The following MOV10 variants were observed in gnomAD, a reference collection of about 807,000 sequenced individuals.
MOV10 encodes the protein Mov10 RNA helicase.
Under a neutral mutation model 108.4 loss-of-function variants are expected in MOV10, and 39 were observed. The ratio of observed to expected loss-of-function variants is 0.36; its 90% CI spans 0.28 to 0.47. The LOEUF (loss-of-function observed/expected upper bound fraction) is 0.47, where lower values mean the gene tolerates loss of function less well. MOV10 is among the 20% of genes least tolerant of loss of function. MOV10 has a pLI of 1.00. For synonymous variants in MOV10, 490 were observed against 523.1 expected (o/e 0.94, Z 0.86); for missense variants, 952 against 1,297.6 (o/e 0.73, Z 4.09).
At chr1:112,687,067 G>C in intron 2 of MOV10, 1 of 456,368 alleles carries the variant, frequency 2.2e-6, no homozygotes, top group Non-Finnish European at 4.4e-6. Context: ...CAACCGCAGT[G>C]GTTCTGTAAC....
intron 5 of MOV10, among the ~76,000 whole-genome samples, 195 bp downstream of exon 5, chr1:112,690,293 G>A (rs1205024174): frequency 1.3e-5 from 2 of 152,218 alleles, no homozygotes; most frequent in East Asian, 1.9e-4. Flanking sequence ...AGTGAAAACA[G>A]TTTTAGGCAT....
chr1:112,692,784 A>C lies in MOV10; in HGVS notation c.995A>C (p.Lys332Thr), dbSNP rs1339122907. 6.2e-7 allele frequency: 1 copy of C among 1,613,912 alleles called. No individual in the cohort carries two copies. Among genetic ancestry groups the C allele is most frequent in the Non-Finnish European group, 8.5e-7 (1 of 1,180,018 alleles). ...EIKAQLETALKWRNYEVKLRL... is the reference protein window; with the variant it reads ...EIKAQLETALTWRNYEVKLRL... ...AGGGCCCAGCTGGAGACAGCCCTGA[A>C]GTGGAGGAACTATGAGGTGAAGCTG... The change falls in exon 7 of 21, where the codon AAG becomes ACG. Residue 332 changes from lysine to threonine, a missense_variant. By Grantham distance (78) the Lys-to-Thr change is moderately conservative. Around this residue, in one of 5 missense-constraint regions of MOV10, gnomAD observed 374 missense variants for 468.6 expected, o/e 0.80. Transcript: ENST00000369645.
At chr1:112,697,290 T>C (rs1351913774) in intron 14 of MOV10, among the ~76,000 whole-genome samples, 1 of 152,052 alleles carries the variant, frequency 6.6e-6, no homozygotes, top group East Asian at 1.9e-4. Flanking sequence ...TCCAACATGG[T>C]GAAACCCCAT....
Position 112,696,723 on chromosome 1 carries a change from T to A in MOV10, c.2075T>A (p.Leu692Gln), listed in dbSNP as rs780784924. Residue 692 changes from leucine to glutamine, a missense_variant, in exon 14 of 21, where the codon CTG (leucine) becomes CAG (glutamine). Physicochemically the swap from Leu to Gln is moderately radical, Grantham distance 113. Coordinates refer to ENST00000369645, the MANE Select transcript of MOV10 (RefSeq NM_001321324.2). ...CTGGGGCCTGTGCTGCGTTCCCCAC[T>A]GACCCAGAAGCATGGACTGGGATAC... ...RQLGPVLRSP[L>Q]TQKHGLGYSL... is the part of the protein sequence containing the mutation. 6.2e-7 allele frequency: 1 copy of A among 1,607,168 alleles called. No individual in the cohort carries two copies. The highest frequency in any genetic ancestry group is 8.5e-7 in the Non-Finnish European group (1 of 1,176,850).
Position 112,694,233 on chromosome 1 carries a change from G to A in MOV10, c.1295+61G>A, listed in dbSNP as rs966947107. 2.5e-6 allele frequency: 4 copies of A among 1,596,752 alleles called. No individual in the cohort carries two copies. Among genetic ancestry groups the A allele is most frequent in the Admixed American group, 1.7e-5 (1 of 59,622 alleles). Reference sequence around the variant, plus strand: ...TCTACAGACTTCTGACCCCAGGGGAGGAGGAGTGTTTCTCCCTGAGATAAA... The same window carrying A: ...TCTACAGACTTCTGACCCCAGGGGAAGAGGAGTGTTTCTCCCTGAGATAAA... On this transcript the variant is annotated intron_variant, in intron 8 of 20. Coordinates refer to ENST00000369645, the MANE Select transcript of MOV10 (RefSeq NM_001321324.2). The surrounding 1 kb of genome is among the most constrained non-coding windows in gnomAD (Gnocchi z 4.1).
chr1:112,676,558 C>T (rs1398085070), intron 2 of MOV10, among the ~76,000 whole-genome samples: 1 of 152,054 alleles, frequency 6.6e-6, no homozygotes, highest in Admixed American at 6.6e-5. Context: ...GCAAAAACAG[C>T]GGGGGATTTA....
chr1:112,690,998 G>A (rs1235637757), intron 5 of MOV10, among the ~76,000 whole-genome samples: 1 of 152,178 alleles, frequency 6.6e-6, no homozygotes, highest in African/African-American at 2.4e-5. Flanking sequence ...AAGCAAACTA[G>A]CCGGGTGTGG....
intron 2 of MOV10, chr1:112,688,419 C>T: frequency 1.0e-6 from 1 of 997,214 alleles, no homozygotes; most frequent in Non-Finnish European, 1.2e-6. Context: ...GTGGAAACTG[C>T]TGTCTGATCA....
At position 112,694,012 on chromosome 1, in the gene MOV10, C is replaced by T. The variant is rs114651236; in HGVS notation, c.1141-6C>T. On this transcript the variant is annotated splice_region_variant and splice_polypyrimidine_tract_variant and intron_variant, in intron 7 of 20. Transcript: ENST00000369645. This position sits in a 1 kb window ranked among gnomAD's most constrained non-coding sequence, Gnocchi z 4.1. Reference sequence around the variant, plus strand: ...ACAGAAGCTTGCTTGTGTTCACACCCCATAGGTTCCTGGAGTGACTGAGAG... The same window carrying T: ...ACAGAAGCTTGCTTGTGTTCACACCTCATAGGTTCCTGGAGTGACTGAGAG... 2,989 of 1,613,904 alleles carry T rather than the reference C, an allele frequency of 1.9e-3. 43 individuals are homozygous for T. In the African/African-American group the frequency reaches 0.028, roughly 15 times the overall value.
In MOV10 at chr1:112,695,145, T is replaced by C. The variant is rs545223957; in HGVS notation, c.1620+249T>C. On this transcript the variant is annotated intron_variant, in intron 10 of 20. Coordinates refer to ENST00000369645, the MANE Select transcript of MOV10 (RefSeq NM_001321324.2). ...CTATCTCTATGAAAAATATGAAAAA[T>C]AGCTGGGCACTTGAGGCTGCAGTGC... Among the ~76,000 whole-genome samples, 12 of 151,792 alleles carry C rather than the reference T, an allele frequency of 7.9e-5. No individual in the cohort carries two copies. The East Asian group carries it at 1.6e-3, about 20-fold the overall frequency.
At chr1:112,678,040 G>A (rs546528231) in intron 2 of MOV10, among the ~76,000 whole-genome samples, 4 of 152,178 alleles carry the variant, frequency 2.6e-5, no homozygotes, top group African/African-American at 9.7e-5. Flanking sequence ...AGTAGTATAG[G>A]TGCTAGTAAT....
intron 2 of MOV10, among the ~76,000 whole-genome samples, chr1:112,683,545 C>T (rs988765357): frequency 6.6e-6 from 1 of 152,036 alleles, no homozygotes; most frequent in Admixed American, 6.6e-5. Context: ...TGCTATGTTT[C>T]CCAGGATGGT....
rs1674570540 is a variant in MOV10 at position 112,700,663 on chromosome 1, T to A, written c.*156T>A. 1 of 1,534,870 alleles carries A rather than the reference T, an allele frequency of 6.5e-7. No individual in the cohort carries two copies. The highest frequency in any genetic ancestry group is 1.4e-5 in the African/African-American group (1 of 72,386). On this transcript the variant is annotated 3_prime_UTR_variant, in exon 21 of 21. Coordinates refer to ENST00000369645, the MANE Select transcript of MOV10 (RefSeq NM_001321324.2). ...CCACCCCCTCCCCTGCTGGGGAGAA[T>A]GACACATCAAGCTGCTAACAATTGG...
At chr1:112,691,138 G>T (rs1008121502) in intron 5 of MOV10, among the ~76,000 whole-genome samples, 5 of 152,090 alleles carry the variant, frequency 3.3e-5, no homozygotes, top group African/African-American at 4.8e-5. Context: ...AAAATTAGCC[G>T]GGTGTGGTGG....
At chr1:112,698,827 G>GT in intron 17 of MOV10, 38 bp downstream of exon 17, 1 of 1,571,300 alleles carries the variant, frequency 6.4e-7, no homozygotes. Flanking sequence ...TGCCTTCCGT[G>GT]TGCCCCCACT....
At chr1:112,692,279 T>A (rs1673652164) in intron 6 of MOV10, among the ~76,000 whole-genome samples, 1 of 152,142 alleles carries the variant, frequency 6.6e-6, no homozygotes, top group African/African-American at 2.4e-5. Context: ...ACACAGTGAG[T>A]GAGCCCAGAT....
chr1:112,700,042 G>T (rs902869075), intron 19 of MOV10, 60 bp downstream of exon 19: 28 of 1,600,286 alleles, frequency 1.7e-5, no homozygotes, highest in Non-Finnish European at 2.3e-5. Flanking sequence ...AGGGCAGGTG[G>T]ATCTTTTTTA....
rs1311602015 is a variant in MOV10 at position 112,699,767 on chromosome 1, A to G, written c.2666A>G (p.Gln889Arg). The G allele has an allele frequency of 6.2e-7, 1 of 1,614,254 alleles. No homozygotes were observed. Among genetic ancestry groups the G allele is most frequent in the Non-Finnish European group, 8.5e-7 (1 of 1,180,050 alleles). The stretch of plus-strand genomic sequence containing the variant: ...GTGCGAAGCAGCCAGAGCTTTGTGC[A>G]GCTGGATCTGGACTTTAATCTGGGT... ...STVRSSQSFVQLDLDFNLGFL... is the reference protein window; with the variant it reads ...STVRSSQSFVRLDLDFNLGFL... The change falls in exon 18 of 21, where the codon CAG becomes CGG. Residue 889 changes from glutamine (Q) to arginine (R), a missense_variant. Around this residue, in one of 5 missense-constraint regions of MOV10, gnomAD observed 65 missense variants for 124.3 expected, o/e 0.52. Transcript: ENST00000369645.
Position 112,694,993 on chromosome 1 carries a change from C to A in MOV10, c.1620+97C>A. The A allele has an allele frequency of 7.2e-7, 1 of 1,392,616 alleles. No individual in the cohort carries two copies. Among genetic ancestry groups the A allele is most frequent in the Non-Finnish European group, 9.7e-7 (1 of 1,030,214 alleles). 86.3% of individuals were successfully genotyped at this position (1,392,616 alleles called of 1,614,324 possible). A position where few individuals can be genotyped will look rare whatever the true frequency, so the allele number is the denominator to read the frequency against. On this transcript the variant is annotated intron_variant, in intron 10 of 20. Coordinates refer to ENST00000369645, the MANE Select transcript of MOV10 (RefSeq NM_001321324.2). The surrounding 1 kb of genome is among the most constrained non-coding windows in gnomAD (Gnocchi z 4.1). ...AGTTCCTTCCCACTCCCGAAATGCT[C>A]CTGCTTCTAAGCAGCCATCAGAAAG...
Sources: gnomAD v4.1 joint callset for allele counts (sites outside exome capture counted in the v4.1 genomes callset) on GRCh38, gnomAD v4.1.1 for gene constraint, gnomAD v4.1.1 regional missense constraint, Gnocchi (gnomAD v3.1) non-coding constraint, MANE v1.5 for transcripts, NCBI Gene and HGNC (gene_info 2026-07-23, HGNC 2026-07-21) for gene names.